The following ITGA1 variants were observed in gnomAD, a reference collection of about 807,000 sequenced individuals.
ITGA1 encodes the protein integrin alpha-1.
In ITGA1, 85 loss-of-function variants were observed where a neutral mutation model predicts 145.9. That is an observed-to-expected ratio of 0.58 (90% CI 0.49 to 0.70). ITGA1 has a LOEUF of 0.70. Ranked by LOEUF, ITGA1 falls within the 30% of genes least tolerant of loss-of-function variation. The probability of loss-of-function intolerance (pLI) is 0.00; values close to 1 mark genes in which losing one functional copy is unlikely to be tolerated. For missense variants in ITGA1, 1,351 were observed against 1,418.7 expected, an observed-to-expected ratio of 0.95 and a Z score of 0.77; for synonymous variants, 520 against 495.3, an observed-to-expected ratio of 1.05 and a Z score of -0.66.
chr5:52,912,666 C>T lies in ITGA1; in HGVS notation c.1857+2247C>T, dbSNP rs554652630. On this transcript the variant is annotated intron_variant, in intron 14 of 28. Coordinates refer to ENST00000282588, the MANE Select transcript of ITGA1 (RefSeq NM_181501.2). ...ACTAGATACACTATATATAGTGTAT[C>T]TATAAACTATATATAGTGTGTGTAT... Among the ~76,000 whole-genome samples, 148 of 136,374 alleles carry T rather than the reference C, an allele frequency of 1.1e-3. 1 individual carries two copies. Among genetic ancestry groups the T allele is most frequent in the Non-Finnish European group, 1.7e-3 (109 of 64,186 alleles). The allele number at this position is 136,374 out of a possible 152,430, so 89.5% of individuals were successfully genotyped here. A position where few individuals can be genotyped will look rare whatever the true frequency, so the allele number is the denominator to read the frequency against.
chr5:52,863,519 A>G (rs886894231), intron 3 of ITGA1, among the ~76,000 whole-genome samples: 8 of 152,160 alleles, frequency 5.3e-5, no homozygotes, highest in Admixed American at 2.6e-4. Context: ...AAAACACAAA[A>G]GCACAAAACT....
At chr5:52,886,159 C>T (rs922867211) in intron 7 of ITGA1, among the ~76,000 whole-genome samples, 2 of 152,072 alleles carry the variant, frequency 1.3e-5, no homozygotes, top group African/African-American at 4.8e-5. Flanking sequence ...TGTAAAGGAG[C>T]CTGACTCGGT....
At chr5:52,795,107 C>T (rs1207444350) in intron 1 of ITGA1, among the ~76,000 whole-genome samples, 1 of 151,830 alleles carries the variant, frequency 6.6e-6, no homozygotes, top group Non-Finnish European at 1.5e-5. Flanking sequence ...ATGTCAGTTA[C>T]AGACAAGTTA....
intron 1 of ITGA1, chr5:52,802,465 C>T (rs1319208855): frequency 6.6e-6 from 1 of 152,126 alleles, no homozygotes; most frequent in Non-Finnish European, 1.5e-5. Context: ...TTGTTGTTAG[C>T]ATTAGTCATA....
rs1748166570 is a variant in ITGA1 at position 52,788,360 on chromosome 5, C to T, written c.7C>T (p.Pro3Ser). The T allele has an allele frequency of 2.6e-6, 4 of 1,510,152 alleles. No homozygotes were observed. Among genetic ancestry groups the T allele is most frequent in the East Asian group, 5.4e-5 (2 of 36,794 alleles). The allele number at this position is 1,510,152 out of a possible 1,614,324, so 93.5% of individuals were successfully genotyped here. A position where few individuals can be genotyped will look rare whatever the true frequency, so the allele number is the denominator to read the frequency against. The change falls in exon 1 of 29, where the codon CCT becomes TCT. Residue 3 changes from proline (P) to serine (S), a missense_variant. Pro to Ser is a moderately conservative substitution (Grantham distance 74, BLOSUM62 -1). Transcript: ENST00000282588. The stretch of plus-strand genomic sequence containing the variant: ...CGCTGAGGCTGCTCCGGCCATGGCC[C>T]CTCGGCCCCGCGCCCGCCCAGGGGT... MAPRPRARPGVAV... is the reference protein window; with the variant it reads MASRPRARPGVAV...
intron 21 of ITGA1, chr5:52,931,613 C>G (rs1349637435): frequency 6.5e-6 from 1 of 152,882 alleles, no homozygotes; most frequent in Non-Finnish European, 1.5e-5. Context: ...CTGTGTGACC[C>G]TAATCACTTA....
chr5:52,946,304 T>C (rs1751134530), intron 27 of ITGA1, among the ~76,000 whole-genome samples: 1 of 152,178 alleles, frequency 6.6e-6, no homozygotes, highest in Non-Finnish European at 1.5e-5. Context: ...GAGACTGAGA[T>C]GGAAGGATCA....
At chr5:52,887,785 C>T in intron 7 of ITGA1, 30 bp from the exon 8 acceptor site, 2 of 1,593,764 alleles carry the variant, frequency 1.3e-6, no homozygotes, top group Non-Finnish European at 1.7e-6. Flanking sequence ...GGTGTCTTAT[C>T]AACCTCTCTT....
chr5:52,879,570 AAAG>A (rs1749922031), intron 6 of ITGA1, among the ~76,000 whole-genome samples: 1 of 152,228 alleles, frequency 6.6e-6, no homozygotes, highest in Admixed American at 6.5e-5. Context: ...TCATTGAAGA[AAAG>A]AATTTTAAAT....
Position 52,939,767 on chromosome 5 carries a change from T to G in ITGA1, c.3181-73T>G, listed in dbSNP as rs546478260. ...ATTGATATCAATCTAGAAATAACCA[T>G]CTGAAGAATTTAAATATAGATATTT... is the stretch of plus-strand genomic sequence containing the variant. On this transcript the variant is annotated intron_variant, in intron 25 of 28. Transcript: ENST00000282588. 24 of 1,436,280 alleles carry G rather than the reference T, an allele frequency of 1.7e-5. No individual in the cohort carries two copies. The African/African-American group carries it at 3.3e-4, about 19-fold the overall frequency. The allele number at this position is 1,436,280 out of a possible 1,614,324, so 89.0% of individuals were successfully genotyped here. A position where few individuals can be genotyped will look rare whatever the true frequency, so the allele number is the denominator to read the frequency against.
chr5:52,878,927 A>G (rs1487724812), intron 6 of ITGA1, among the ~76,000 whole-genome samples: 1 of 150,870 alleles, frequency 6.6e-6, no homozygotes, highest in Non-Finnish European at 1.5e-5. Context: ...ATAAATGATT[A>G]TAGTCATTGG....
intron 6 of ITGA1, among the ~76,000 whole-genome samples, chr5:52,875,449 C>G (rs942249721): frequency 1.3e-5 from 2 of 152,006 alleles, no homozygotes; most frequent in Non-Finnish European, 2.9e-5. Flanking sequence ...CCTGAATCAG[C>G]CTTTAGGTCT....
chr5:52,800,308 T>G, intron 1 of ITGA1: 1 of 1,483,884 alleles, frequency 6.7e-7, no homozygotes, highest in Non-Finnish European at 9.3e-7. Flanking sequence ...GCCCCCTTCC[T>G]GGCCTGCATT....
chr5:52,858,068 A>G (rs1749544360), intron 2 of ITGA1, among the ~76,000 whole-genome samples: 1 of 152,208 alleles, frequency 6.6e-6, no homozygotes, highest in South Asian at 2.1e-4. Context: ...TACTTCCTGA[A>G]TCCAAATCCT....
At chr5:52,844,523 G>A (rs1749304891) in intron 1 of ITGA1, among the ~76,000 whole-genome samples, 1 of 152,160 alleles carries the variant, frequency 6.6e-6, no homozygotes, top group Admixed American at 6.5e-5. Context: ...ACATTTCTCT[G>A]CCTTCCCAAG....
intron 1 of ITGA1, chr5:52,800,767 A>C: frequency 5.0e-6 from 8 of 1,614,184 alleles, no homozygotes; most frequent in Non-Finnish European, 5.1e-6. Flanking sequence ...ACTGGAGCGC[A>C]TCGAGCAGGC....
chr5:52,945,023 T>G lies in ITGA1; in HGVS notation c.3366T>G (p.Asn1122Lys). ...ENASLVLSSS[N>K]QKRELAIQIS... ...CATCTCTGGTTTTAAGTAGCAGCAA[T>G]CAAAAAAGAGAGGTAAGTGCAACAT... The change falls in exon 27 of 29, where the codon AAT becomes AAG. Residue 1122 changes from asparagine (N) to lysine (K), a missense_variant. Asn to Lys is a moderately conservative substitution (Grantham distance 94). Coordinates refer to ENST00000282588, the MANE Select transcript of ITGA1 (RefSeq NM_181501.2). The G allele has an allele frequency of 5.6e-6, 9 of 1,611,376 alleles. No homozygotes were observed. Among genetic ancestry groups the G allele is most frequent in the Non-Finnish European group, 7.6e-6 (9 of 1,178,024 alleles).
chr5:52,855,526 C>G (rs1749499326), intron 2 of ITGA1, among the ~76,000 whole-genome samples: 1 of 151,828 alleles, frequency 6.6e-6, no homozygotes, highest in African/African-American at 2.4e-5. Flanking sequence ...TGTTTGTGAA[C>G]AAAATAGAAA....
At chr5:52,915,154 G>A (rs892764282) in intron 14 of ITGA1, among the ~76,000 whole-genome samples, 1 of 152,142 alleles carries the variant, frequency 6.6e-6, no homozygotes, top group Non-Finnish European at 1.5e-5. Flanking sequence ...GGATTGGCTA[G>A]GAAGCAGAAA....
Sources: gnomAD v4.1 joint callset for allele counts (sites outside exome capture counted in the v4.1 genomes callset) on GRCh38, gnomAD v4.1.1 for gene constraint, MANE v1.5 for transcripts, NCBI Gene and HGNC (gene_info 2026-07-23, HGNC 2026-07-21) for gene names.